The following OSBPL9 variants were observed in gnomAD, a reference collection of about 807,000 sequenced individuals.
OSBPL9 encodes oxysterol-binding protein-related protein 9.
In OSBPL9, 40 loss-of-function variants were observed where a neutral mutation model predicts 106.6. The ratio of observed to expected loss-of-function variants is 0.38; its 90% CI spans 0.29 to 0.49. The LOEUF is 0.49. OSBPL9 is among the 20% of genes least tolerant of loss of function. The pLI, the probability that OSBPL9 is intolerant of heterozygous loss-of-function variation, is 0.97. For missense variants in OSBPL9, 609 were observed against 887.2 expected, an observed-to-expected ratio of 0.69 and a Z score of 3.98; for synonymous variants, 269 against 295.4, an observed-to-expected ratio of 0.91 and a Z score of 0.92.
chr1:51,554,812 A>G, the OSBPL9 span, among the ~76,000 whole-genome samples: 1 of 152,220 alleles, frequency 6.6e-6, no homozygotes, highest in Non-Finnish European at 1.5e-5. Context: ...GACAGATTTT[A>G]CCTGTTGAAG....
At chr1:51,771,434 A>G (rs1673862172) in intron 12 of OSBPL9, among the ~76,000 whole-genome samples, 1 of 152,174 alleles carries the variant, frequency 6.6e-6, no homozygotes, top group Admixed American at 6.5e-5. Context: ...GTTCGAGTCC[A>G]TCCTGGGCAA....
At chr1:51,639,347 T>C (rs945613003) in intron 1 of OSBPL9, among the ~76,000 whole-genome samples, 1 of 152,232 alleles carries the variant, frequency 6.6e-6, no homozygotes, top group African/African-American at 2.4e-5. Flanking sequence ...CAACCTCATA[T>C]GCACTTGGAA....
chr1:51,530,175 AAAAAAAAAAAAAAAAAAC>A, the OSBPL9 span, among the ~76,000 whole-genome samples: 17 of 105,886 alleles, frequency 1.6e-4, 1 homozygote, highest in South Asian at 2.6e-4. Context: ...TGTCTCAAAA[AAAAAAAAAAAAAAAAAAC>A]AAAAAAAAAA....
At chr1:51,612,365 T>C (rs1014296204), upstream of OSBPL9, among the ~76,000 whole-genome samples, 2 of 152,228 alleles carry the variant, frequency 1.3e-5, no homozygotes, top group African/African-American at 4.8e-5. Flanking sequence ...CTGTCCCAGC[T>C]CCTGTCCTTG....
chr1:51,601,371 TTGTC>T lies in OSBPL9; in HGVS notation c.-353+3182_-353+3185del, dbSNP rs146873426. 4.9e-3 allele frequency among the ~76,000 whole-genome samples: 753 copies of T among 152,310 alleles called. 9 individuals are homozygous for T. Among genetic ancestry groups the T allele is most frequent in the African/African-American group, 0.017 (721 of 41,574 alleles). On this transcript the variant is annotated intron_variant, in intron 2 of 25. Coordinates refer to the OSBPL9 transcript ENST00000371714. ...GTGAGAACTTTGGTCTAAAGACAGT[TTGTC>T]TGTGGTTCTGCAGGGCTAGCTGGAC...
chr1:51,623,283 G>C (rs1347895640), intron 1 of OSBPL9, among the ~76,000 whole-genome samples: 2 of 152,172 alleles, frequency 1.3e-5, no homozygotes, highest in Non-Finnish European at 2.9e-5. Context: ...ATGTGGAATG[G>C]AGGGGAACAG....
chr1:51,598,061 T>A (rs1570537728), intron 1 of OSBPL9: 1 of 152,258 alleles, frequency 6.6e-6, no homozygotes, highest in East Asian at 1.9e-4. Context: ...TGAAATGACT[T>A]TACTTGTATC....
intron 1 of OSBPL9, among the ~76,000 whole-genome samples, chr1:51,641,360 C>T (rs1052853101): frequency 2.0e-5 from 3 of 152,142 alleles, no homozygotes; most frequent in Non-Finnish European, 4.4e-5. Context: ...CCTCCTAATA[C>T]CATCATCTTA....
chr1:51,661,715 A>C (rs1413292790), intron 2 of OSBPL9, among the ~76,000 whole-genome samples: 1 of 152,340 alleles, frequency 6.6e-6, no homozygotes, highest in Admixed American at 6.5e-5. Flanking sequence ...ACTTTTCTTA[A>C]CAACAGAACA....
At chr1:51,678,832 A>C (rs1651888223) in intron 3 of OSBPL9, among the ~76,000 whole-genome samples, 1 of 152,208 alleles carries the variant, frequency 6.6e-6, no homozygotes, top group African/African-American at 2.4e-5. Context: ...CTGCATCATT[A>C]ATCATTTAGT....
At chr1:51,748,529 T>C (rs1212212510) in intron 7 of OSBPL9, 131 bp downstream of exon 7, 1 of 1,017,094 alleles carries the variant, frequency 9.8e-7, no homozygotes, top group Non-Finnish European at 1.3e-6. Context: ...ACAGGGGTGC[T>C]TAAGCATTGT....
At chr1:51,524,492 G>T in the OSBPL9 span, among the ~76,000 whole-genome samples, 1 of 152,158 alleles carries the variant, frequency 6.6e-6, no homozygotes, top group Admixed American at 6.5e-5. Context: ...ATGATTAAAT[G>T]AAGGTTTATG....
chr1:51,752,507 C>G (rs956082851), intron 8 of OSBPL9: 2 of 455,980 alleles, frequency 4.4e-6, no homozygotes, highest in African/African-American at 4.0e-5. Context: ...CCCTAGAGTA[C>G]AATCTTGGTG....
chr1:51,555,644 T>G, the OSBPL9 span, among the ~76,000 whole-genome samples: 1 of 151,928 alleles, frequency 6.6e-6, no homozygotes, highest in African/African-American at 2.4e-5. Flanking sequence ...CTTGGCTCAC[T>G]GCAACCTCCA....
At chr1:51,553,138 C>T in the OSBPL9 span, among the ~76,000 whole-genome samples, 1 of 151,950 alleles carries the variant, frequency 6.6e-6, no homozygotes, top group African/African-American at 2.4e-5. Flanking sequence ...GGCCATTGCC[C>T]CAAGTATCAC....
At chr1:51,585,731 G>A (rs1399637870) in intron 1 of OSBPL9, among the ~76,000 whole-genome samples, 3 of 151,742 alleles carry the variant, frequency 2.0e-5, no homozygotes, top group Admixed American at 6.6e-5. Context: ...AGCTGAGATC[G>A]TGCCACTGCG....
intron 1 of OSBPL9, 138 bp downstream of exon 1, chr1:51,617,359 G>A: frequency 1.1e-6 from 1 of 874,952 alleles, no homozygotes; most frequent in African/African-American, 1.7e-5. Context: ...CCCTTGTTGG[G>A]GAGGGTTTTA....
chr1:51,756,426 G>T, intron 9 of OSBPL9, 68 bp downstream of exon 9: 3 of 1,456,248 alleles, frequency 2.1e-6, no homozygotes, highest in Non-Finnish European at 2.9e-6. Flanking sequence ...CATATCAGGA[G>T]AAGCCTGAAT....
Position 51,788,150 on chromosome 1 carries a change from C to T in OSBPL9, c.*361C>T, listed in dbSNP as rs1207096160. On this transcript the variant is annotated 3_prime_UTR_variant, in exon 24 of 24. Coordinates refer to ENST00000428468, the MANE Select transcript of OSBPL9 (RefSeq NM_024586.6). ...ACTTGTTTCTTAGTTCATATAATCT[C>T]GGGATACACACACACACACACATAT... 1.2e-5 allele frequency: 3 copies of T among 243,834 alleles called. No individual in the cohort carries two copies. Among genetic ancestry groups the T allele is most frequent in the Non-Finnish European group, 2.4e-5 (3 of 124,452 alleles). The allele number at this position is 243,834 out of a possible 1,614,324, so 15.1% of individuals were successfully genotyped here.
Sources: allele counts gnomAD v4.1 joint callset (sites outside exome capture counted in the v4.1 genomes callset), GRCh38; gene constraint gnomAD v4.1.1; transcripts MANE v1.5; gene names NCBI Gene and HGNC (gene_info 2026-07-23, HGNC 2026-07-21).